Variants in ST3GAL6 observed in about 807,000 individuals in gnomAD.
ST3GAL6 encodes the protein ST3 beta-galactoside alpha-2,3-sialyltransferase 6.
Under a neutral mutation model 40.5 loss-of-function variants are expected in ST3GAL6, and 31 were observed. That is an observed-to-expected ratio of 0.77 (90% confidence interval 0.58 to 1.03). The LOEUF is 1.03. ST3GAL6 is among the 50% of genes least tolerant of loss of function. ST3GAL6 has a pLI of 0.00. For synonymous variants in ST3GAL6, 129 were observed against 136.9 expected (o/e 0.94, Z 0.40); for missense variants, 357 against 393.2 (o/e 0.91, Z 0.78).
rs888316468 is a variant in ST3GAL6 at position 98,795,035 on chromosome 3, C to CA, written c.*1276dup. ...CTAGGGTGCACCAGAGAATCTGATC[C>CA]AATGCAAGCCAGTCAATCCTACAAA... On this transcript the variant is annotated 3_prime_UTR_variant, in exon 10 of 10. Transcript: ENST00000483910. 1.3e-5 allele frequency: 2 copies of CA among 152,174 alleles called. No individual in the cohort carries two copies. The highest frequency in any genetic ancestry group is 4.8e-5 in the African/African-American group (2 of 41,446). The allele number at this position is 152,174 out of a possible 1,614,324, so 9.4% of individuals were successfully genotyped here. A position where few individuals can be genotyped will look rare whatever the true frequency, so the allele number is the denominator to read the frequency against.
At chr3:98,783,778 T>A (rs1327347113) in intron 5 of ST3GAL6, 2 of 658,112 alleles carry the variant, frequency 3.0e-6, no homozygotes, top group African/African-American at 3.9e-5. Flanking sequence ...GACACTGATT[T>A]AGGCATGACT....
At chr3:98,753,526 T>G (rs1362069942) in intron 1 of ST3GAL6, among the ~76,000 whole-genome samples, 1 of 152,244 alleles carries the variant, frequency 6.6e-6, no homozygotes, top group Non-Finnish European at 1.5e-5. Context: ...CTTCTGGGAC[T>G]TTTATAGCTA....
upstream of ST3GAL6, among the ~76,000 whole-genome samples, chr3:98,759,547 T>C (rs1014723951): frequency 6.6e-6 from 1 of 152,196 alleles, no homozygotes; most frequent in African/African-American, 2.4e-5. Context: ...GGAACCCGTG[T>C]AAAATGTTCT....
intron 5 of ST3GAL6, among the ~76,000 whole-genome samples, chr3:98,781,997 C>A (rs1940174931): frequency 6.6e-6 from 1 of 152,152 alleles, no homozygotes; most frequent in South Asian, 2.1e-4. Context: ...GAATCGCCCC[C>A]TCCTATAGCA....
chr3:98,736,449 G>C (rs137980475), intron 1 of ST3GAL6, among the ~76,000 whole-genome samples: 1 of 152,158 alleles, frequency 6.6e-6, no homozygotes. Flanking sequence ...AAGAGGAGAC[G>C]GCAAGGAAGC....
chr3:98,739,375 GAAAA>G (rs1355744353), intron 1 of ST3GAL6, among the ~76,000 whole-genome samples: 1 of 126,390 alleles, frequency 7.9e-6, no homozygotes, highest in East Asian at 2.3e-4. Context: ...AATTGAGACA[GAAAA>G]CAAACAAACA....
In ST3GAL6 at chr3:98,769,955, C is replaced by T. The variant is rs572520756; in HGVS notation, c.90-924C>T. Among the ~76,000 whole-genome samples, 5 of 152,184 alleles carry T rather than the reference C, an allele frequency of 3.3e-5. No individual in the cohort carries two copies. In the South Asian group the frequency reaches 1.0e-3, roughly 32 times the overall value. ...TATGTATAAATCAAGGAGTCCTTGCCATTGTGGTATTCACAAAAGATGTTT... is the reference window on the plus strand; with the variant it reads ...TATGTATAAATCAAGGAGTCCTTGCTATTGTGGTATTCACAAAAGATGTTT... On this transcript the variant is annotated intron_variant, in intron 2 of 9. Coordinates refer to ENST00000483910, the MANE Select transcript of ST3GAL6 (RefSeq NM_001323368.2).
intron 1 of ST3GAL6, chr3:98,756,240 C>A: frequency 1.4e-6 from 1 of 702,080 alleles, no homozygotes; most frequent in Non-Finnish European, 2.1e-6. Context: ...TCCTGGAAAA[C>A]ATTTTTTAGG....
intron 5 of ST3GAL6, among the ~76,000 whole-genome samples, chr3:98,777,869 C>T (rs1939700616): frequency 1.3e-5 from 2 of 152,162 alleles, no homozygotes; most frequent in Admixed American, 6.5e-5. Flanking sequence ...AATTGCATCA[C>T]AGAAAAGGAA....
At chr3:98,789,561 C>A (rs1307018017) in intron 8 of ST3GAL6, among the ~76,000 whole-genome samples, 1 of 152,128 alleles carries the variant, frequency 6.6e-6, no homozygotes, top group East Asian at 1.9e-4. Context: ...ACATTTTCTT[C>A]TCTTTAAATA....
intron 6 of ST3GAL6, among the ~76,000 whole-genome samples, chr3:98,787,151 G>A (rs1940806731): frequency 6.6e-6 from 1 of 152,104 alleles, no homozygotes; most frequent in Non-Finnish European, 1.5e-5. Context: ...TGAGGAAGCT[G>A]TGATAATTTA....
intron 9 of ST3GAL6, among the ~76,000 whole-genome samples, chr3:98,793,418 T>A (rs1262806278): frequency 6.6e-6 from 1 of 152,212 alleles, no homozygotes; most frequent in East Asian, 1.9e-4. Flanking sequence ...CATGATTCGG[T>A]CTACCAGGGT....
intron 1 of ST3GAL6, among the ~76,000 whole-genome samples, chr3:98,738,374 A>G (rs993977898): frequency 6.6e-6 from 1 of 152,060 alleles, no homozygotes; most frequent in African/African-American, 2.4e-5. Flanking sequence ...CATGGGCACA[A>G]GCAATCTTAC....
At chr3:98,787,637 C>T (rs1481727172) in intron 6 of ST3GAL6, among the ~76,000 whole-genome samples, 1 of 152,206 alleles carries the variant, frequency 6.6e-6, no homozygotes, top group East Asian at 1.9e-4. Flanking sequence ...CAGTCACACA[C>T]ATCCATGTGC....
chr3:98,773,951 G>T lies in ST3GAL6; in HGVS notation c.303G>T (p.Leu101=), dbSNP rs1939269739. The T allele has an allele frequency of 6.2e-7, 1 of 1,613,236 alleles. No homozygotes were observed. The highest frequency in any genetic ancestry group is 1.3e-5 in the African/African-American group (1 of 74,902). Residue 101 remains leucine, a synonymous_variant, in exon 5 of 10, where the codon CTG becomes CTT. Transcript: ENST00000483910. Reference sequence around the variant, plus strand: ...ATTTTCGACTTGCTCTTTCAAAACTGCAGAGTTGTGATCTCTTTGATGAGT... The same window carrying T: ...ATTTTCGACTTGCTCTTTCAAAACTTCAGAGTTGTGATCTCTTTGATGAGT... The part of the protein sequence containing the change: ...AEYFRLALSK[L]QSCDLFDEFD...
intron 1 of ST3GAL6, chr3:98,733,288 G>A: frequency 6.1e-6 from 6 of 985,428 alleles, no homozygotes; most frequent in Non-Finnish European, 7.2e-6. Context: ...CCCCAGTGAA[G>A]GGCGGGAGGG....
intron 1 of ST3GAL6, among the ~76,000 whole-genome samples, chr3:98,743,706 C>T (rs1936312997): frequency 6.6e-6 from 1 of 152,190 alleles, no homozygotes; most frequent in Non-Finnish European, 1.5e-5. Flanking sequence ...ACCATGTGTT[C>T]CCACCCAGTC....
intron 1 of ST3GAL6, among the ~76,000 whole-genome samples, chr3:98,748,928 T>G (rs1417028604): frequency 2.0e-5 from 3 of 152,182 alleles, no homozygotes; most frequent in Non-Finnish European, 4.4e-5. Flanking sequence ...TCTTCATCCT[T>G]CAGAGACACT....
At chr3:98,757,776 A>G (rs564863990) in intron 1 of ST3GAL6, among the ~76,000 whole-genome samples, 1 of 152,000 alleles carries the variant, frequency 6.6e-6, no homozygotes, top group East Asian at 1.9e-4. Flanking sequence ...AAATAAGTCT[A>G]TGTCTAAAGC....
Sources: gnomAD v4.1 joint callset for allele counts (sites outside exome capture counted in the v4.1 genomes callset) on GRCh38, gnomAD v4.1.1 for gene constraint, MANE v1.5 for transcripts, NCBI Gene and HGNC (gene_info 2026-07-23, HGNC 2026-07-21) for gene names.